Variants in EPB41L1 observed in about 807,000 individuals in gnomAD.
The protein encoded by EPB41L1 is band 4.1-like protein 1.
A neutral mutation model predicts 97.8 loss-of-function variants in EPB41L1; 29 were observed. The observed-to-expected ratio is 0.30, with a 90% CI of 0.22 to 0.40. The LOEUF is 0.40. Among genes scored for constraint, EPB41L1 ranks in the 10% least tolerant of loss-of-function variants. The pLI, the probability that EPB41L1 is intolerant of heterozygous loss-of-function variation, is 1.00. For missense variants in EPB41L1, 812 were observed against 1,162.3 expected, an observed-to-expected ratio of 0.70 and a Z score of 4.38; for synonymous variants, 383 against 459.2, an observed-to-expected ratio of 0.83 and a Z score of 2.12.
At chr20:36,118,521 C>T (rs1214959553) in intron 2 of EPB41L1, among the ~76,000 whole-genome samples, 3 of 152,184 alleles carry the variant, frequency 2.0e-5, no homozygotes, top group Non-Finnish European at 4.4e-5. Flanking sequence ...TTGGAGTTTA[C>T]AGCTCAGCAC....
chr20:36,210,583 G>A (rs1032475016), intron 15 of EPB41L1, among the ~76,000 whole-genome samples: 1 of 151,976 alleles, frequency 6.6e-6, no homozygotes, highest in Admixed American at 6.6e-5. Flanking sequence ...GCCACTCTGG[G>A]CTCTCACTTC....
Position 36,231,779 on chromosome 20 carries a change from A to T in EPB41L1, c.*2439A>T, listed in dbSNP as rs2064499731. The T allele has an allele frequency of 6.6e-6, 1 of 152,622 alleles. No individual in the cohort carries two copies. Among genetic ancestry groups the T allele is most frequent in the South Asian group, 2.1e-4 (1 of 4,820 alleles). 9.5% of individuals were successfully genotyped at this position (152,622 alleles called of 1,614,324 possible). ...GAGTGTAGCAGCACACTTTCCATAC[A>T]CCAGGTTCTTTCTACAATCCTGGTG... On this transcript the variant is annotated 3_prime_UTR_variant, in exon 22 of 22. Coordinates refer to ENST00000338074, the MANE Select transcript of EPB41L1 (RefSeq NM_012156.2).
intron 1 of EPB41L1, among the ~76,000 whole-genome samples, chr20:36,099,100 C>T (rs910561830): frequency 6.6e-6 from 1 of 152,056 alleles, no homozygotes; most frequent in Non-Finnish European, 1.5e-5. Context: ...ACCTGGGAGG[C>T]GGACATTGCA....
chr20:36,162,329 C>T (rs192949380), intron 1 of EPB41L1, among the ~76,000 whole-genome samples: 23 of 152,320 alleles, frequency 1.5e-4, no homozygotes, highest in Non-Finnish European at 2.6e-4. Flanking sequence ...ATTATTTCTA[C>T]ATCCAGAGCA....
rs1017742802 is a variant in EPB41L1 at position 36,092,850 on chromosome 20, G to T, written c.-65+1238G>T. The stretch of plus-strand genomic sequence containing the variant: ...CCGCCGTCCCCCTCCGCGTCCCGGG[G>T]ACCCCGCCGCGTCGGGTCCCGCGTG... On this transcript the variant is annotated intron_variant, in intron 1 of 19. Transcript: ENST00000202028. The surrounding 1 kb of genome is among the most constrained non-coding windows in gnomAD (Gnocchi z 7.0). 1 of 152,450 alleles carries T rather than the reference G, an allele frequency of 6.6e-6. No individual in the cohort carries two copies. Among genetic ancestry groups the T allele is most frequent in the South Asian group, 2.0e-4 (1 of 5,016 alleles). The allele number at this position is 152,450 out of a possible 1,614,324, so 9.4% of individuals were successfully genotyped here.
chr20:36,111,514 G>T (rs188430218), intron 1 of EPB41L1, among the ~76,000 whole-genome samples: 382 of 152,302 alleles, frequency 2.5e-3, no homozygotes, highest in Non-Finnish European at 4.0e-3. Context: ...GGCCGGGCAT[G>T]GTGGCTCATG....
chr20:36,119,868 T>C (rs1034355142), intron 2 of EPB41L1, among the ~76,000 whole-genome samples: 4 of 152,068 alleles, frequency 2.6e-5, no homozygotes, highest in African/African-American at 9.7e-5. Flanking sequence ...GGCAAGCCCA[T>C]TTCAGCCCTT....
rs554956711 is a variant in EPB41L1 at position 36,189,750 on chromosome 20, T to G, written c.1027-527T>G. Among the ~76,000 whole-genome samples, 4 of 152,218 alleles carry G rather than the reference T, an allele frequency of 2.6e-5. No individual in the cohort carries two copies. In the South Asian group the frequency reaches 8.3e-4, roughly 31 times the overall value. ...TCTGCAATTATCTTGTTTGCTTATT[T>G]GTTATTGGAGGTCCCCTTCCCCTAC... On this transcript the variant is annotated intron_variant, in intron 9 of 21. Transcript: ENST00000338074.
At chr20:36,226,254 C>T (rs1031182113) in intron 21 of EPB41L1, among the ~76,000 whole-genome samples, 31 of 152,194 alleles carry the variant, frequency 2.0e-4, no homozygotes, top group African/African-American at 7.5e-4. Context: ...AAGCCCTGCC[C>T]TTTATTAGCT....
intron 1 of EPB41L1, among the ~76,000 whole-genome samples, chr20:36,094,780 GGCCTGGAGTTCATGAGCT>G (rs1000717632): frequency 4.6e-5 from 7 of 152,020 alleles, no homozygotes; most frequent in African/African-American, 1.7e-4. Flanking sequence ...GGGAAAAGCT[GGCCTGGAGTTCATGAGCT>G]CTGGAGTCTG....
At position 36,181,592 on chromosome 20, in the gene EPB41L1, A is replaced by C. The variant is rs545563107; in HGVS notation, c.491-680A>C. On this transcript the variant is annotated intron_variant, in intron 5 of 21. Transcript: ENST00000338074. ...TGTCTTCTGAGATGGAGTCAACATGATATAGGGCAGAGTTTTCCAACATGT... is the reference window on the plus strand; with the variant it reads ...TGTCTTCTGAGATGGAGTCAACATGCTATAGGGCAGAGTTTTCCAACATGT... 2.0e-5 allele frequency among the ~76,000 whole-genome samples: 3 copies of C among 152,222 alleles called. No homozygotes were observed. In the East Asian group the frequency reaches 5.8e-4, roughly 29 times the overall value.
chr20:36,095,108 A>C (rs1332103138), intron 1 of EPB41L1, among the ~76,000 whole-genome samples: 1 of 152,084 alleles, frequency 6.6e-6, no homozygotes, highest in Admixed American at 6.6e-5. Flanking sequence ...AGTAGCTGGG[A>C]TTACAGGCAC....
intron 1 of EPB41L1, among the ~76,000 whole-genome samples, chr20:36,166,073 C>G (rs1435814421): frequency 1.3e-5 from 2 of 152,258 alleles, no homozygotes; most frequent in Non-Finnish European, 2.9e-5. Flanking sequence ...TCAGGAGAGG[C>G]AGGCTGGCTG....
rs2064533449 is a variant in EPB41L1, at chr20:36,232,482, T to G, written c.*3142T>G. On this transcript the variant is annotated 3_prime_UTR_variant, in exon 22 of 22. Coordinates refer to ENST00000338074, the MANE Select transcript of EPB41L1 (RefSeq NM_012156.2). ...CTTTGCTATCTCATGGGTCTTCATT[T>G]TCTCTTATTTTGTTTTCTCTGGATC... 1 of 397,860 alleles carries G rather than the reference T, an allele frequency of 2.5e-6. No homozygotes were observed. The highest frequency in any genetic ancestry group is 1.4e-4 in the South Asian group (1 of 7,032). 24.6% of individuals were successfully genotyped at this position (397,860 alleles called of 1,614,324 possible). A position where few individuals can be genotyped will look rare whatever the true frequency, so the allele number is the denominator to read the frequency against.
chr20:36,188,955 A>G (rs2061822095), intron 9 of EPB41L1, among the ~76,000 whole-genome samples: 3 of 152,166 alleles, frequency 2.0e-5, no homozygotes, highest in African/African-American at 4.8e-5. Flanking sequence ...AAATGAATAC[A>G]TGTCTGTGTA....
chr20:36,206,677 A>G lies in EPB41L1; in HGVS notation c.1669-2811A>G, dbSNP rs1438952723. On this transcript the variant is annotated intron_variant, in intron 14 of 21. Transcript: ENST00000338074. The surrounding 1 kb of genome is among the most constrained non-coding windows in gnomAD (Gnocchi z 5.5). Reference sequence around the variant, plus strand: ...CCCAAAGGAAGGGGCAGGGACCCCCAAGAACCATGGAGGACCTGGTGACCT... The same window carrying G: ...CCCAAAGGAAGGGGCAGGGACCCCCGAGAACCATGGAGGACCTGGTGACCT... 2.3e-6 allele frequency: 3 copies of G among 1,289,798 alleles called. No individual in the cohort carries two copies. The highest frequency in any genetic ancestry group is 1.0e-6 in the Non-Finnish European group (1 of 988,856). The allele number at this position is 1,289,798 out of a possible 1,614,324, so 79.9% of individuals were successfully genotyped here. A position where few individuals can be genotyped will look rare whatever the true frequency, so the allele number is the denominator to read the frequency against.
At position 36,187,645 on chromosome 20, in the gene EPB41L1, T is replaced by TGGTCACCTGTGATCACTTTCTTTCCCTC. The variant is rs755562270; in HGVS notation, c.786-30_786-3dup. 6 of 1,596,710 alleles carry TGGTCACCTGTGATCACTTTCTTTCCCTC rather than the reference T, an allele frequency of 3.8e-6. No homozygotes were observed. The Admixed American group carries it at 8.4e-5, about 22-fold the overall frequency. ...CAGGACTAAACCTGGGCCTTTCCCT[T>TGGTCACCTGTGATCACTTTCTTTCCCTC]GGTCACCTGTGATCACTTTCTTTCC... On this transcript the variant is annotated intron_variant, in intron 7 of 21. Transcript: ENST00000338074.
chr20:36,170,770 G>T (rs1206338155), intron 1 of EPB41L1, among the ~76,000 whole-genome samples: 6 of 152,206 alleles, frequency 3.9e-5, no homozygotes, highest in African/African-American at 1.4e-4. Context: ...ATGACTGTCA[G>T]TCGTCTTTTT....
chr20:36,109,183 A>G (rs900136492), intron 1 of EPB41L1, among the ~76,000 whole-genome samples: 6 of 151,906 alleles, frequency 3.9e-5, no homozygotes, highest in Non-Finnish European at 7.4e-5. Flanking sequence ...TCCTGACGTC[A>G]TGATCCGCCT....
Sources: allele counts gnomAD v4.1 joint callset (sites outside exome capture counted in the v4.1 genomes callset), GRCh38; gene constraint gnomAD v4.1.1; non-coding constraint Gnocchi (gnomAD v3.1); transcripts MANE v1.5; gene names NCBI Gene and HGNC (gene_info 2026-07-23, HGNC 2026-07-21).